The following BCAS3 variants were observed in gnomAD, a reference collection of about 807,000 sequenced individuals.
The protein encoded by BCAS3 is BCAS3 microtubule associated cell migration factor, also known as BCAS4/BCAS3 fusion.
Under a neutral mutation model 116.1 loss-of-function variants are expected in BCAS3, and 53 were observed. The ratio of observed to expected loss-of-function variants is 0.46; its 90% CI spans 0.37 to 0.57. The LOEUF (loss-of-function observed/expected upper bound fraction) is 0.57, where lower values mean the gene tolerates loss of function less well. Ranked by LOEUF, BCAS3 falls within the 20% of genes least tolerant of loss-of-function variation. The pLI, the probability that BCAS3 is intolerant of heterozygous loss-of-function variation, is 0.00. For synonymous variants in BCAS3, 391 were observed against 408.2 expected, an observed-to-expected ratio of 0.96 and a Z score of 0.51; for missense variants, 917 against 1,165.4, an observed-to-expected ratio of 0.79 and a Z score of 3.10.
Position 61,380,611 on chromosome 17 carries a change from T to G in BCAS3, c.2594-11366T>G. ...ATCTTTGCCTATGTGGAAGGGGTTG[T>G]CCCGTTGCTTCTTTTGTCCCTCAAG... On this transcript the variant is annotated intron_variant, in intron 23 of 23. Coordinates refer to ENST00000407086, the MANE Select transcript of BCAS3 (RefSeq NM_017679.5). This position sits in a 1 kb window ranked among gnomAD's most constrained non-coding sequence, Gnocchi z 4.2. The G allele has an allele frequency of 6.4e-7, 1 of 1,573,548 alleles. No homozygotes were observed. The highest frequency in any genetic ancestry group is 1.7e-4 in the Middle Eastern group (1 of 6,022).
intron 22 of BCAS3, among the ~76,000 whole-genome samples, chr17:61,125,428 T>C (rs2076000582): frequency 6.6e-6 from 1 of 152,174 alleles, no homozygotes; most frequent in African/African-American, 2.4e-5. Flanking sequence ...AGGACTAATC[T>C]AGGCATCAGA....
intron 5 of BCAS3, chr17:60,727,547 C>G (rs541204274): frequency 8.4e-7 from 1 of 1,194,816 alleles, no homozygotes; most frequent in Non-Finnish European, 1.1e-6. Context: ...ACTCTCGCCT[C>G]GCAAAGCTCT....
At chr17:61,193,260 T>G (rs987987129) in intron 22 of BCAS3, among the ~76,000 whole-genome samples, 5 of 151,396 alleles carry the variant, frequency 3.3e-5, no homozygotes, top group Non-Finnish European at 7.4e-5. Context: ...AGACTCTGTT[T>G]CAAAAACAAT....
Position 60,960,157 on chromosome 17 carries a change from C to T in BCAS3, c.1221+12805C>T, listed in dbSNP as rs2061344089. ...CTTCTCTGTATTCTATCCTCTGCCT[C>T]CCAGAATTCATGTTCATGCCATATG... is the stretch of plus-strand genomic sequence containing the variant. On this transcript the variant is annotated intron_variant, in intron 14 of 23. Coordinates refer to ENST00000407086, the MANE Select transcript of BCAS3 (RefSeq NM_017679.5). This position sits in a 1 kb window ranked among gnomAD's most constrained non-coding sequence, Gnocchi z 4.1. 6.6e-6 allele frequency among the ~76,000 whole-genome samples: 1 copy of T among 152,142 alleles called. No homozygotes were observed. The highest frequency in any genetic ancestry group is 6.5e-5 in the Admixed American group (1 of 15,270).
intron 22 of BCAS3, among the ~76,000 whole-genome samples, chr17:61,209,048 G>A (rs1444129137): frequency 6.6e-6 from 1 of 151,910 alleles, no homozygotes; most frequent in African/African-American, 2.4e-5. Context: ...ACAACCAGCT[G>A]TTCTCAGCCT....
In BCAS3 at chr17:61,332,420, G is replaced by A. The variant is rs2056366761; in HGVS notation, c.2426-35907G>A. Among the ~76,000 whole-genome samples, 1 of 152,042 alleles carries A rather than the reference G, an allele frequency of 6.6e-6. No homozygotes were observed. The highest frequency in any genetic ancestry group is 1.5e-5 in the Non-Finnish European group (1 of 68,010). ...CACCATGGGAGCCCCTGCTTGCCAT[G>A]TTTGTGAGGGGCAAACACTTCACTG... On this transcript the variant is annotated intron_variant, in intron 22 of 23. Transcript: ENST00000407086. This position sits in a 1 kb window ranked among gnomAD's most constrained non-coding sequence, Gnocchi z 5.4.
rs2063757852 is a variant in BCAS3, at chr17:60,995,181, C to A, written c.1486+4946C>A. Among the ~76,000 whole-genome samples the A allele has an allele frequency of 6.6e-6, 1 of 151,996 alleles. No individual in the cohort carries two copies. The highest frequency in any genetic ancestry group is 2.4e-5 in the African/African-American group (1 of 41,370). ...TCTTTTCTTTTCTTTTAGACGGAGT[C>A]TTGCTCTGTCTCCCAGGCTAGAGTG... On this transcript the variant is annotated intron_variant, in intron 15 of 23. Transcript: ENST00000407086. This position sits in a 1 kb window ranked among gnomAD's most constrained non-coding sequence, Gnocchi z 4.7.
chr17:61,026,963 AG>A lies in BCAS3; in HGVS notation c.1638-7702del. 1 of 1,533,172 alleles carries A rather than the reference AG, an allele frequency of 6.5e-7. No individual in the cohort carries two copies. Among genetic ancestry groups the A allele is most frequent in the Admixed American group, 1.9e-5 (1 of 53,422 alleles). 95.0% of individuals were successfully genotyped at this position (1,533,172 alleles called of 1,614,324 possible). On this transcript the variant is annotated intron_variant, in intron 16 of 23. Transcript: ENST00000407086. The surrounding 1 kb of genome is among the most constrained non-coding windows in gnomAD (Gnocchi z 5.0). ...TCATTCATTTGCTGTACTCTCAAAA[AG>A]TAATTTGTTTTGTAGTTTTGTTTCC... is the stretch of plus-strand genomic sequence containing the variant.
chr17:61,085,258 T>C (rs1251338305), intron 22 of BCAS3, among the ~76,000 whole-genome samples: 1 of 152,222 alleles, frequency 6.6e-6, no homozygotes, highest in Non-Finnish European at 1.5e-5. Context: ...TGCTTTATAG[T>C]GCAGCTGGGG....
At chr17:61,280,476 G>A (rs921855944) in intron 22 of BCAS3, among the ~76,000 whole-genome samples, 6 of 152,146 alleles carry the variant, frequency 3.9e-5, no homozygotes, top group African/African-American at 1.4e-4. Context: ...GGTAGAAAGT[G>A]TCTAATTTGG....
At chr17:60,850,345 G>GTT (rs10573405) in intron 7 of BCAS3, among the ~76,000 whole-genome samples, 1,311 of 37,712 alleles carry the variant, frequency 0.035, 395 homozygotes, top group Middle Eastern at 0.044. Context: ...TGGCACCACT[G>GTT]TTTTTTTTTT....
chr17:60,723,799 A>G (rs2039515222), intron 5 of BCAS3, among the ~76,000 whole-genome samples: 1 of 142,878 alleles, frequency 7.0e-6, no homozygotes, highest in Non-Finnish European at 1.5e-5. Context: ...GCTCATTGCA[A>G]CCTCTGCCTC....
At chr17:60,858,330 C>G (rs1433428707) in intron 7 of BCAS3, among the ~76,000 whole-genome samples, 1 of 151,840 alleles carries the variant, frequency 6.6e-6, no homozygotes, top group Non-Finnish European at 1.5e-5. Flanking sequence ...TACCTTCCTC[C>G]TTTCCCTCTC....
chr17:61,136,519 G>A lies in BCAS3; in HGVS notation c.2425+51955G>A, dbSNP rs2076649424. 6.6e-6 allele frequency among the ~76,000 whole-genome samples: 1 copy of A among 152,146 alleles called. No individual in the cohort carries two copies. The highest frequency in any genetic ancestry group is 1.5e-5 in the Non-Finnish European group (1 of 68,020). ...AGCAGCACGCCCCCTTCCCTCAGAT[G>A]CCTCCAAATATTGCCAAATGTCCCC... On this transcript the variant is annotated intron_variant, in intron 22 of 23. Transcript: ENST00000407086. The surrounding 1 kb of genome is among the most constrained non-coding windows in gnomAD (Gnocchi z 4.4).
chr17:61,382,165 T>G (rs2059634261), intron 23 of BCAS3, among the ~76,000 whole-genome samples: 1 of 151,708 alleles, frequency 6.6e-6, no homozygotes. Flanking sequence ...CCATCTCTAC[T>G]AAAAATACAA....
At chr17:60,980,874 A>G (rs1365708130) in intron 14 of BCAS3, among the ~76,000 whole-genome samples, 7 of 151,852 alleles carry the variant, frequency 4.6e-5, no homozygotes, top group Admixed American at 3.9e-4. Flanking sequence ...GCAGGTTTTC[A>G]CACTGCTGGC....
In BCAS3 at chr17:61,015,794, C is replaced by A; in HGVS notation, c.1530C>A (p.Asn510Lys). ...SQDSYNNFTN[N>K]NPGNPRLSPL... ...ACTCCTATAACAATTTTACCAACAACAACCCTGGCAACCCTCGGCTCTCTC... is the reference window on the plus strand; with the variant it reads ...ACTCCTATAACAATTTTACCAACAAAAACCCTGGCAACCCTCGGCTCTCTC... The change falls in exon 16 of 24, where the codon AAC becomes AAA. Residue 510 changes from asparagine (N) to lysine (K), a missense_variant. Asn to Lys is a moderately conservative substitution (Grantham distance 94). Around this residue, in one of 3 missense-constraint regions of BCAS3, gnomAD observed 807 missense variants for 1,026.0 expected, o/e 0.79. Coordinates refer to ENST00000407086, the MANE Select transcript of BCAS3 (RefSeq NM_017679.5). The A allele has an allele frequency of 1.2e-6, 2 of 1,613,918 alleles. No individual in the cohort carries two copies. The highest frequency in any genetic ancestry group is 1.1e-5 in the South Asian group (1 of 91,074).
At chr17:60,736,499 A>G (rs79750428) in intron 5 of BCAS3, among the ~76,000 whole-genome samples, 4,829 of 151,924 alleles carry the variant, frequency 0.032, 244 homozygotes, top group African/African-American at 0.11. Context: ...CGTCTTTTTT[A>G]TGGTTCCGGT....
rs2077538158 is a variant in BCAS3, at chr17:61,151,474, TC to T, written c.2425+66911del. Among the ~76,000 whole-genome samples the T allele has an allele frequency of 6.8e-6, 1 of 147,194 alleles. No individual in the cohort carries two copies. The highest frequency in any genetic ancestry group is 2.7e-5 in the African/African-American group (1 of 36,752). On this transcript the variant is annotated intron_variant, in intron 22 of 23. Transcript: ENST00000407086. This position sits in a 1 kb window ranked among gnomAD's most constrained non-coding sequence, Gnocchi z 4.8. ...TAAACATCTCTTTCATTCAACGTTT[TC>T]TTTTTTTTTTGAGATAGGGTTTCAC... is the stretch of plus-strand genomic sequence containing the variant.
Sources: allele counts gnomAD v4.1 joint callset (sites outside exome capture counted in the v4.1 genomes callset), GRCh38; gene constraint gnomAD v4.1.1; regional missense constraint gnomAD v4.1.1; non-coding constraint Gnocchi (gnomAD v3.1); transcripts MANE v1.5; gene names NCBI Gene and HGNC (gene_info 2026-07-23, HGNC 2026-07-21).